The following CLIC6 variants were observed in gnomAD, a reference collection of about 807,000 sequenced individuals.
The protein encoded by CLIC6 is chloride intracellular channel protein 6.
A neutral mutation model predicts 49.2 loss-of-function variants in CLIC6; 39 were observed. The observed-to-expected ratio is 0.79, with a 90% CI of 0.61 to 1.04. The LOEUF is 1.04. CLIC6 is among the 50% of genes least tolerant of loss of function. The pLI, the probability that CLIC6 is intolerant of heterozygous loss-of-function variation, is 0.00. For synonymous variants in CLIC6, 446 were observed against 433.4 expected (o/e 1.03, Z -0.36); for missense variants, 988 against 993.1 (o/e 0.99, Z 0.07).
intron 1 of CLIC6, among the ~76,000 whole-genome samples, chr21:34,681,279 A>G (rs928177323): frequency 6.6e-6 from 1 of 152,232 alleles, no homozygotes; most frequent in Non-Finnish European, 1.5e-5. Context: ...CTCACTCACT[A>G]TCACAAGAAC....
At chr21:34,705,999 T>C (rs1481443295) in intron 1 of CLIC6, 1 of 671,710 alleles carries the variant, frequency 1.5e-6, no homozygotes, top group African/African-American at 1.8e-5. Flanking sequence ...TAAATTACTA[T>C]TTTAACATTC....
At chr21:34,693,580 G>A (rs1052010853) in intron 1 of CLIC6, among the ~76,000 whole-genome samples, 5 of 152,192 alleles carry the variant, frequency 3.3e-5, no homozygotes, top group Non-Finnish European at 7.3e-5. Flanking sequence ...TGCCCTGTTA[G>A]ATTTTTGGCT....
intron 5 of CLIC6, among the ~76,000 whole-genome samples, chr21:34,714,262 T>C (rs2056073543): frequency 6.6e-6 from 1 of 152,148 alleles, no homozygotes; most frequent in Admixed American, 6.5e-5. Context: ...ACGGACAGAA[T>C]AGAGTCAGAA....
chr21:34,715,602 C>A (rs1048177452), intron 5 of CLIC6, among the ~76,000 whole-genome samples: 1 of 152,168 alleles, frequency 6.6e-6, no homozygotes, highest in Non-Finnish European at 1.5e-5. Context: ...ATTATGGCAA[C>A]CCTAGCAAAC....
rs142197835 is a variant in CLIC6 at position 34,716,831 on chromosome 21, T to TTC, written c.*377_*378dup. 3,494 of 133,600 alleles carry TTC rather than the reference T, an allele frequency of 0.026. 52 individuals carry two copies. The highest frequency in any genetic ancestry group is 0.029 in the Non-Finnish European group (1,875 of 65,424). 8.3% of individuals were successfully genotyped at this position (133,600 alleles called of 1,614,324 possible). A position where few individuals can be genotyped will look rare whatever the true frequency, so the allele number is the denominator to read the frequency against. On this transcript the variant is annotated 3_prime_UTR_variant, in exon 6 of 6. Transcript: ENST00000349499. ...CATGTTCCAAATCTTCAGTATCTTGTTCTCTCTCTCTCTCTCTCTCTCTCT... is the reference window on the plus strand; with the variant it reads ...CATGTTCCAAATCTTCAGTATCTTGTTCTCTCTCTCTCTCTCTCTCTCTCTCT...
At chr21:34,686,395 T>A (rs1230211956) in intron 1 of CLIC6, among the ~76,000 whole-genome samples, 1 of 152,208 alleles carries the variant, frequency 6.6e-6, no homozygotes. Flanking sequence ...AGTGAGACTC[T>A]GTGTCAAACA....
chr21:34,706,530 C>T (rs143732683), intron 1 of CLIC6, among the ~76,000 whole-genome samples: 100 of 152,292 alleles, frequency 6.6e-4, no homozygotes, highest in African/African-American at 2.1e-3. Context: ...GTGTAGCCAC[C>T]GTGCAGATCA....
At chr21:34,676,618 G>T (rs765958913) in intron 1 of CLIC6, among the ~76,000 whole-genome samples, 3 of 152,170 alleles carry the variant, frequency 2.0e-5, no homozygotes, top group Non-Finnish European at 4.4e-5. Context: ...AAGGGAAGGG[G>T]GATGGACGAT....
chr21:34,680,625 A>G (rs1011914803), intron 1 of CLIC6, among the ~76,000 whole-genome samples: 8 of 152,144 alleles, frequency 5.3e-5, no homozygotes, highest in African/African-American at 1.9e-4. Flanking sequence ...AATTTCTTCC[A>G]CCAGATACCC....
intron 1 of CLIC6, among the ~76,000 whole-genome samples, chr21:34,690,861 C>CAAAAA (rs33931156): frequency 2.0e-5 from 2 of 99,648 alleles, no homozygotes; most frequent in African/African-American, 4.0e-5. Context: ...TAATACATGT[C>CAAAAA]AAAAAAAAAA....
chr21:34,698,704 A>C (rs968008777), intron 1 of CLIC6, among the ~76,000 whole-genome samples: 3 of 152,218 alleles, frequency 2.0e-5, no homozygotes, highest in African/African-American at 7.2e-5. Flanking sequence ...AAGAAAGACA[A>C]GACACTAGAA....
At chr21:34,701,947 C>T (rs1297528780) in intron 1 of CLIC6, among the ~76,000 whole-genome samples, 4 of 151,904 alleles carry the variant, frequency 2.6e-5, no homozygotes, top group Admixed American at 6.6e-5. Flanking sequence ...CTCCTCCTCC[C>T]GTAGATGTGA....
intron 1 of CLIC6, among the ~76,000 whole-genome samples, chr21:34,698,970 C>A (rs1203062665): frequency 6.6e-6 from 1 of 152,072 alleles, no homozygotes; most frequent in African/African-American, 2.4e-5. Context: ...AGGGAAGAGT[C>A]CAGTTTCCAT....
chr21:34,688,409 C>T (rs1156469533), intron 1 of CLIC6, among the ~76,000 whole-genome samples: 1 of 152,194 alleles, frequency 6.6e-6, no homozygotes, highest in Non-Finnish European at 1.5e-5. Context: ...CGACGGTTCA[C>T]CCGGGTGGTC....
intron 1 of CLIC6, among the ~76,000 whole-genome samples, chr21:34,691,348 TG>T (rs201935492): frequency 9.9e-5 from 15 of 151,042 alleles, no homozygotes; most frequent in Admixed American, 4.0e-4. Flanking sequence ...ACTTTTTTTT[TG>T]ATTCTGACCC....
At chr21:34,706,367 C>T (rs1215185310) in intron 1 of CLIC6, among the ~76,000 whole-genome samples, 3 of 152,204 alleles carry the variant, frequency 2.0e-5, no homozygotes, top group African/African-American at 7.2e-5. Context: ...GAGAAATCCA[C>T]CCCCCGACCC....
intron 1 of CLIC6, among the ~76,000 whole-genome samples, chr21:34,683,879 G>A (rs879718354): frequency 5.3e-5 from 8 of 152,160 alleles, no homozygotes; most frequent in Admixed American, 5.2e-4. Context: ...TGTGAAAGTG[G>A]ACTAATACAG....
Position 34,670,432 on chromosome 21 carries a change from G to T in CLIC6, c.1044G>T (p.Gly348=). The change falls in exon 1 of 6, where the codon GGG becomes GGT. Residue 348 remains glycine (G), a synonymous_variant. Coordinates refer to ENST00000349499, the MANE Select transcript of CLIC6 (RefSeq NM_053277.3). ...AGGGGTCCGAAGAAGCGGCCCCCGG[G>T]GACGCAAGGGCAGACGCTGGCGAGG... The part of the protein sequence containing the change: ...GVKGSEEAAP[G]DARADAGEDR... 6.8e-7 allele frequency: 1 copy of T among 1,462,710 alleles called. No homozygotes were observed. Among genetic ancestry groups the T allele is most frequent in the South Asian group, 1.4e-5 (1 of 70,130 alleles). The allele number at this position is 1,462,710 out of a possible 1,614,324, so 90.6% of individuals were successfully genotyped here.
At position 34,670,757 on chromosome 21, in the gene CLIC6, G is replaced by A; in HGVS notation, c.1369G>A (p.Val457Ile). The change falls in exon 1 of 6, where the codon GTC (valine) becomes ATC (isoleucine). Residue 457 changes from valine (V) to isoleucine (I), a missense_variant. Physicochemically the swap from Val to Ile is conservative, Grantham distance 29. Transcript: ENST00000349499. ...GCAGGAGCACGACATCACCCTCTTCGTCAAGGTAAAGCTCGCTTCCCTCAA... is the reference window on the plus strand; with the variant it reads ...GCAGGAGCACGACATCACCCTCTTCATCAAGGTAAAGCTCGCTTCCCTCAA... ...LGQEHDITLF[V>I]KAGYDGESIG... 1 of 1,598,932 alleles carries A rather than the reference G, an allele frequency of 6.3e-7. No individual in the cohort carries two copies. Among genetic ancestry groups the A allele is most frequent in the Non-Finnish European group, 8.5e-7 (1 of 1,177,696 alleles).
Sources: allele counts gnomAD v4.1 joint callset (sites outside exome capture counted in the v4.1 genomes callset), GRCh38; gene constraint gnomAD v4.1.1; transcripts MANE v1.5; gene names NCBI Gene and HGNC (gene_info 2026-07-23, HGNC 2026-07-21).